The following RPH3AL variants were observed in gnomAD, a reference collection of about 807,000 sequenced individuals.
RPH3AL encodes the protein rab effector Noc2.
A neutral mutation model predicts 43.1 loss-of-function variants in RPH3AL; 38 were observed. The observed-to-expected ratio is 0.88, with a 90% confidence interval of 0.68 to 1.15. The LOEUF is 1.15. RPH3AL is among the 50% of genes most tolerant of loss of function. The probability of loss-of-function intolerance (pLI) is 0.00; values close to 1 mark genes in which losing one functional copy is unlikely to be tolerated. For synonymous variants in RPH3AL, 189 were observed against 176.3 expected (o/e 1.07, Z -0.57); for missense variants, 462 against 423.2 (o/e 1.09, Z -0.81).
chr17:291,504 G>A (rs1271560813), intron 5 of RPH3AL, among the ~76,000 whole-genome samples: 1 of 152,156 alleles, frequency 6.6e-6, no homozygotes, highest in Admixed American at 6.5e-5. Context: ...CGCTGCAGAC[G>A]GTGCTTACAG....
In RPH3AL at chr17:321,369, T is replaced by C. The variant is rs1336845694; in HGVS notation, c.124A>G (p.Arg42Gly). ...GCCGGGCTGAGGTGCTGCTTCCTCC[T>C]CTGCTTCTCCGTCTGGTAGGTGTGC... ...SVHTYQTEKQ[R>G]RKQHLSPAEV... Residue 42 changes from arginine to glycine, a missense_variant, in exon 4 of 10, where the codon AGG becomes GGG. Coordinates refer to ENST00000331302, the MANE Select transcript of RPH3AL (RefSeq NM_006987.4). 3.1e-6 allele frequency: 5 copies of C among 1,611,354 alleles called. No individual in the cohort carries two copies. The highest frequency in any genetic ancestry group is 4.2e-6 in the Non-Finnish European group (5 of 1,179,942).
chr17:226,862 ACT>A (rs2041118585), intron 7 of RPH3AL, among the ~76,000 whole-genome samples: 1 of 151,416 alleles, frequency 6.6e-6, no homozygotes, highest in Admixed American at 6.6e-5. Context: ...TCAACATAAC[ACT>A]CTGTGTGTCT....
chr17:315,835 GCCCCCAC>G (rs2044097110), intron 5 of RPH3AL, among the ~76,000 whole-genome samples: 4 of 74,500 alleles, frequency 5.4e-5, no homozygotes, highest in South Asian at 8.8e-4. Context: ...TAGTCCCTGT[GCCCCCAC>G]CTCCATTGAC....
intron 7 of RPH3AL, among the ~76,000 whole-genome samples, chr17:240,373 G>A (rs867006924): frequency 1.6e-4 from 25 of 152,036 alleles, no homozygotes; most frequent in Non-Finnish European, 2.9e-4. Context: ...ATAGCCATAC[G>A]TTTACGTAAC....
At chr17:295,956 AAG>A in intron 5 of RPH3AL, among the ~76,000 whole-genome samples, 2 of 84,512 alleles carry the variant, frequency 2.4e-5, no homozygotes, top group Admixed American at 1.2e-4. Flanking sequence ...CAGAAATGGA[AAG>A]CAGAGGGAAT....
intron 5 of RPH3AL, among the ~76,000 whole-genome samples, chr17:299,064 G>A (rs998505584): frequency 5.3e-5 from 8 of 151,830 alleles, no homozygotes; most frequent in South Asian, 2.1e-4. Flanking sequence ...TGAAGGCTTC[G>A]GGGGGAGGGA....
At chr17:342,849 A>G (rs60963864) in intron 1 of RPH3AL, among the ~76,000 whole-genome samples, 8,041 of 152,208 alleles carry the variant, frequency 0.053, 461 homozygotes, top group East Asian at 0.18. Context: ...TATTCTCCTC[A>G]TAGAGAATTT....
chr17:247,638 C>A, intron 6 of RPH3AL: 1 of 248,770 alleles, frequency 4.0e-6, no homozygotes. Context: ...GTACCTGGGT[C>A]TACACCTGCT....
At chr17:269,894 G>T (rs2042421594) in intron 6 of RPH3AL, among the ~76,000 whole-genome samples, 1 of 152,162 alleles carries the variant, frequency 6.6e-6, no homozygotes, top group African/African-American at 2.4e-5. Flanking sequence ...AGGGGCAGGG[G>T]AAGATGGGAT....
chr17:350,201 T>C (rs2045325133), intron 1 of RPH3AL, among the ~76,000 whole-genome samples: 1 of 152,132 alleles, frequency 6.6e-6, no homozygotes, highest in Non-Finnish European at 1.5e-5. Flanking sequence ...GAGTAAAAGT[T>C]CCAGGCTGGG....
intron 5 of RPH3AL, among the ~76,000 whole-genome samples, chr17:313,510 A>G (rs1313579781): frequency 6.6e-6 from 1 of 152,004 alleles, no homozygotes; most frequent in Non-Finnish European, 1.5e-5. Flanking sequence ...TCTGCCGGGA[A>G]CACTGTTCCA....
chr17:284,610 C>T (rs1298744346), intron 5 of RPH3AL, among the ~76,000 whole-genome samples: 1 of 152,066 alleles, frequency 6.6e-6, no homozygotes, highest in Non-Finnish European at 1.5e-5. Context: ...GGAGAGGTTT[C>T]CAGCTGTCAG....
chr17:306,525 G>A (rs1298923671), intron 5 of RPH3AL: 1 of 152,190 alleles, frequency 6.6e-6, no homozygotes, highest in Non-Finnish European at 1.5e-5. Context: ...CTCCACCGCT[G>A]GCAGCTTTAT....
chr17:350,191 G>A (rs555687860), intron 1 of RPH3AL, among the ~76,000 whole-genome samples: 27 of 152,300 alleles, frequency 1.8e-4, no homozygotes, highest in African/African-American at 6.3e-4. Context: ...TGTGGTAACA[G>A]AGTAAAAGTT....
intron 5 of RPH3AL, among the ~76,000 whole-genome samples, chr17:308,439 C>G (rs1033459203): frequency 6.6e-6 from 1 of 152,212 alleles, no homozygotes; most frequent in Admixed American, 6.5e-5. Context: ...TTCAGCAATT[C>G]CACTGCTGGG....
chr17:252,744 GC>G (rs2041939219), intron 6 of RPH3AL, among the ~76,000 whole-genome samples: 3 of 152,182 alleles, frequency 2.0e-5, no homozygotes, highest in African/African-American at 7.2e-5. Flanking sequence ...TTTCCAAAAT[GC>G]TTGGGACAGA....
chr17:272,244 C>G (rs1450418472), intron 6 of RPH3AL, among the ~76,000 whole-genome samples: 1 of 152,104 alleles, frequency 6.6e-6, no homozygotes, highest in Admixed American at 6.6e-5. Flanking sequence ...ACCCAGCCAT[C>G]CCATTACTGG....
chr17:273,091 G>GCGGGTGACTTC (rs2042545726), intron 6 of RPH3AL, among the ~76,000 whole-genome samples: 1 of 76,832 alleles, frequency 1.3e-5, no homozygotes, highest in Admixed American at 1.2e-4. Context: ...AGACCCCAGC[G>GCGGGTGACTTC]AGGGTGACGT....
rs140233408 is a variant in RPH3AL, at chr17:299,568, C to T, written c.352-17714G>A. On this transcript the variant is annotated intron_variant, in intron 5 of 9. Transcript: ENST00000331302. ...CCACAGGGAACAAGACGGGCCAAGT[C>T]CATCCCCAGTTAAGGTCCGTGAACA... Among the ~76,000 whole-genome samples, 303 of 152,326 alleles carry T rather than the reference C, an allele frequency of 2.0e-3. 2 individuals are homozygous for T. The highest frequency in any genetic ancestry group is 7.0e-3 in the African/African-American group (290 of 41,568).
Sources: gnomAD v4.1 joint callset for allele counts (sites outside exome capture counted in the v4.1 genomes callset) on GRCh38, gnomAD v4.1.1 for gene constraint, MANE v1.5 for transcripts, NCBI Gene and HGNC (gene_info 2026-07-23, HGNC 2026-07-21) for gene names.